The following TTC13 variants were observed in gnomAD, a reference collection of about 807,000 sequenced individuals.
TTC13 encodes the protein tetratricopeptide repeat domain 13.
A neutral mutation model predicts 120.0 loss-of-function variants in TTC13; 62 were observed. The observed-to-expected ratio is 0.52, with a 90% confidence interval of 0.42 to 0.64. TTC13 has a LOEUF of 0.64. TTC13 is among the 30% of genes least tolerant of loss of function. The pLI, the probability that TTC13 is intolerant of heterozygous loss-of-function variation, is 0.00. For missense variants in TTC13, 824 were observed against 1,050.2 expected (o/e 0.78, Z 2.98); for synonymous variants, 384 against 393.5 (o/e 0.98, Z 0.28).
intron 1 of TTC13, among the ~76,000 whole-genome samples, chr1:230,963,661 A>C (rs1676857574): frequency 6.6e-6 from 1 of 151,424 alleles, no homozygotes; most frequent in Non-Finnish European, 1.5e-5. Flanking sequence ...TAAATAAATA[A>C]ATAAATAAAT....
Position 230,933,839 on chromosome 1 carries a change from T to A in TTC13, c.923A>T (p.Glu308Val). The A allele has an allele frequency of 6.2e-7, 1 of 1,606,454 alleles. No individual in the cohort carries two copies. The highest frequency in any genetic ancestry group is 1.1e-5 in the South Asian group (1 of 90,188). Residue 308 changes from glutamate (E) to valine (V), a missense_variant, in exon 9 of 23, where the codon GAA becomes GTA. Physicochemically the swap from Glu to Val is moderately radical, Grantham distance 121. Transcript: ENST00000366661. ...AAAGTCAACTTTCTGCTTCAAAGCT[T>A]CTTTGAAGGATTCAATAGCTTCCTA... ...LLKEAIESFK[E>V]ALKQKVDFID...
At chr1:230,926,381 C>T (rs1268490651) in intron 12 of TTC13, among the ~76,000 whole-genome samples, 1 of 152,104 alleles carries the variant, frequency 6.6e-6, no homozygotes, top group East Asian at 1.9e-4. Context: ...GTTGCGAACA[C>T]GTGTAAAATG....
intron 22 of TTC13, among the ~76,000 whole-genome samples, chr1:230,907,740 T>C (rs1409926005): frequency 6.6e-6 from 1 of 152,092 alleles, no homozygotes; most frequent in African/African-American, 2.4e-5. Context: ...TACCCAGCAA[T>C]AGAGTGGTTG....
intron 12 of TTC13, among the ~76,000 whole-genome samples, chr1:230,928,327 C>A (rs148547817): frequency 2.0e-5 from 3 of 152,270 alleles, no homozygotes; most frequent in African/African-American, 7.2e-5. Flanking sequence ...GATCTCCATA[C>A]AGATTTTATA....
Position 230,942,312 on chromosome 1 carries a change from C to G in TTC13, c.672+1494G>C, listed in dbSNP as rs1674598802. Among the ~76,000 whole-genome samples, 1 of 152,140 alleles carries G rather than the reference C, an allele frequency of 6.6e-6. No individual in the cohort carries two copies. The highest frequency in any genetic ancestry group is 1.5e-5 in the Non-Finnish European group (1 of 68,016). ...CACCAAATTAGCCACTAAACACCAACTAAATACCAGCAAGTCTCATGCAGT... is the reference window on the plus strand; with the variant it reads ...CACCAAATTAGCCACTAAACACCAAGTAAATACCAGCAAGTCTCATGCAGT... On this transcript the variant is annotated intron_variant, in intron 6 of 22. Transcript: ENST00000366661. This position sits in a 1 kb window ranked among gnomAD's most constrained non-coding sequence, Gnocchi z 4.0.
At chr1:230,945,494 C>G (rs1674903629) in intron 4 of TTC13, 40 bp from the exon 5 acceptor site, 2 of 1,580,896 alleles carry the variant, frequency 1.3e-6, no homozygotes, top group African/African-American at 1.3e-5. Context: ...AAACCATAAA[C>G]AAAACAAAAC....
chr1:230,924,508 A>AT (rs1172933942), intron 14 of TTC13, among the ~76,000 whole-genome samples: 1 of 152,052 alleles, frequency 6.6e-6, no homozygotes, highest in African/African-American at 2.4e-5. Context: ...AATTTTTTGT[A>AT]TTTTTAGCAG....
At chr1:230,909,509 G>A (rs1273748001) in intron 20 of TTC13, among the ~76,000 whole-genome samples, 1 of 152,232 alleles carries the variant, frequency 6.6e-6, no homozygotes, top group Admixed American at 6.5e-5. Flanking sequence ...GCATGTGCCT[G>A]TAGTCCCAGC....
chr1:230,973,587 A>G (rs2103012290), intron 1 of TTC13, among the ~76,000 whole-genome samples: 1 of 152,350 alleles, frequency 6.6e-6, no homozygotes, highest in South Asian at 2.1e-4. Flanking sequence ...AAGGCATTGG[A>G]AAAAAAGATT....
At chr1:230,952,332 G>T (rs557944292) in intron 4 of TTC13, among the ~76,000 whole-genome samples, 13 of 152,280 alleles carry the variant, frequency 8.5e-5, no homozygotes, top group African/African-American at 3.1e-4. Flanking sequence ...TAAAGGGTAA[G>T]GAGAGAGAAA....
chr1:230,973,706 T>C (rs1382416419), intron 1 of TTC13, among the ~76,000 whole-genome samples: 1 of 152,208 alleles, frequency 6.6e-6, no homozygotes, highest in Non-Finnish European at 1.5e-5. Context: ...CCATAAAATA[T>C]ACCTTATACT....
chr1:230,908,377 G>A, intron 22 of TTC13: 1 of 461,790 alleles, frequency 2.2e-6, no homozygotes, highest in South Asian at 1.6e-5. Flanking sequence ...TTGTAGAGGG[G>A]AGCAGTTTCA....
intron 17 of TTC13, among the ~76,000 whole-genome samples, chr1:230,919,150 G>T (rs1388826781): frequency 6.6e-6 from 1 of 152,020 alleles, no homozygotes; most frequent in African/African-American, 2.4e-5. Flanking sequence ...TGGTATACCT[G>T]GATCATACTA....
chr1:230,908,860 A>G, intron 21 of TTC13, 69 bp from the exon 22 acceptor site: 1 of 1,603,408 alleles, frequency 6.2e-7, no homozygotes, highest in South Asian at 1.1e-5. Flanking sequence ...AGATCTATGT[A>G]ACTCGTGTAC....
rs764318165 is a variant in TTC13 at position 230,908,713 on chromosome 1, T to G, written c.2467A>C (p.Ser823Arg). 6.2e-7 allele frequency: 1 copy of G among 1,612,980 alleles called. No individual in the cohort carries two copies. Among genetic ancestry groups the G allele is most frequent in the Non-Finnish European group, 8.5e-7 (1 of 1,178,994 alleles). ...KVAKSWMNLK[S>R]ISPSYKTLPS... ...TGTGGACCCCCCTCAAGTAGTTACC[T>G]TTTCAAGTTCATCCAGCTTTTGGCG... Residue 823 changes from serine (S) to arginine (R), a missense_variant and splice_region_variant, in exon 22 of 23, where the codon AGT (serine) becomes CGT (arginine). By Grantham distance (110) the Ser-to-Arg change is moderately radical (BLOSUM62 -1). This residue lies in a region of TTC13 where 226 missense variants were observed against 259.1 expected (regional missense o/e 0.87). Transcript: ENST00000366661.
chr1:230,955,930 G>A lies in TTC13; in HGVS notation c.443-1527C>T, dbSNP rs546070793. Among the ~76,000 whole-genome samples, 9 of 152,224 alleles carry A rather than the reference G, an allele frequency of 5.9e-5. No homozygotes were observed. The East Asian group carries it at 9.7e-4, about 16-fold the overall frequency. On this transcript the variant is annotated intron_variant, in intron 3 of 22. Coordinates refer to ENST00000366661, the MANE Select transcript of TTC13 (RefSeq NM_024525.5). ...GTTAGCTAACCTCCAGGTAACGAGA[G>A]GATACCTTTAGTTTTGGTGGGGGTG...
intron 20 of TTC13, among the ~76,000 whole-genome samples, chr1:230,910,972 C>T (rs1236574138): frequency 6.6e-6 from 1 of 152,184 alleles, no homozygotes; most frequent in African/African-American, 2.4e-5. Context: ...GAAAACTCTA[C>T]AGTCATAGCT....
chr1:230,908,496 G>A lies in TTC13; in HGVS notation c.2468+216C>T, dbSNP rs183554751. 5.5e-5 allele frequency: 31 copies of A among 564,044 alleles called. No homozygotes were observed. In the Admixed American group the frequency reaches 6.6e-4, roughly 12 times the overall value. The allele number at this position is 564,044 out of a possible 1,614,324, so 34.9% of individuals were successfully genotyped here. On this transcript the variant is annotated intron_variant, in intron 22 of 22. Coordinates refer to ENST00000366661, the MANE Select transcript of TTC13 (RefSeq NM_024525.5). ...TGAGCTACTGTGCCTGGCCTTCATA[G>A]TCCATTTTTATCCATACATTCACCC...
rs775448558 is a variant in TTC13 at position 230,961,158 on chromosome 1, T to C, written c.366+51A>G. ...GGCGACTTCCACTTTTTGGAACTAG[T>C]ATCACTGGGCTTCAGGTTACAAAAA... is the stretch of plus-strand genomic sequence containing the variant. On this transcript the variant is annotated intron_variant, in intron 2 of 22. Coordinates refer to ENST00000366661, the MANE Select transcript of TTC13 (RefSeq NM_024525.5). The C allele has an allele frequency of 1.4e-5, 21 of 1,462,664 alleles. No individual in the cohort carries two copies. The East Asian group carries it at 4.5e-4, about 32-fold the overall frequency. The allele number at this position is 1,462,664 out of a possible 1,614,324, so 90.6% of individuals were successfully genotyped here. A position where few individuals can be genotyped will look rare whatever the true frequency, so the allele number is the denominator to read the frequency against.
Sources: allele counts gnomAD v4.1 joint callset (sites outside exome capture counted in the v4.1 genomes callset), GRCh38; gene constraint gnomAD v4.1.1; regional missense constraint gnomAD v4.1.1; non-coding constraint Gnocchi (gnomAD v3.1); transcripts MANE v1.5; gene names NCBI Gene and HGNC (gene_info 2026-07-23, HGNC 2026-07-21).